Variants in GSG1L observed in about 807,000 individuals in gnomAD.
GSG1L encodes germ cell-specific gene 1-like protein.
GSG1L carries 24 observed loss-of-function variants against 42.1 expected under a neutral mutation model. The ratio of observed to expected loss-of-function variants is 0.57; its 90% CI spans 0.41 to 0.80. The LOEUF is 0.80. GSG1L is among the 30% of genes least tolerant of loss of function. GSG1L has a pLI of 0.00. For synonymous variants in GSG1L, 215 were observed against 203.5 expected (o/e 1.06, Z -0.48); for missense variants, 445 against 472.2 (o/e 0.94, Z 0.53).
At chr16:27,897,527 T>C (rs1423099929) in intron 2 of GSG1L, among the ~76,000 whole-genome samples, 1 of 152,206 alleles carries the variant, frequency 6.6e-6, no homozygotes. Flanking sequence ...CTCAAATTCC[T>C]GGCCTCAAGT....
Position 27,846,682 on chromosome 16 carries a change from C to T in GSG1L, c.551-1621G>A, listed in dbSNP as rs150270252. Among the ~76,000 whole-genome samples the T allele has an allele frequency of 4.0e-3, 605 of 152,224 alleles. 11 individuals carry two copies. The highest frequency in any genetic ancestry group is 1.6e-3 in the Non-Finnish European group (107 of 68,028). On this transcript the variant is annotated intron_variant, in intron 3 of 6. Transcript: ENST00000447459. ...TTCAAAATCTGACCCTGGCCGGGCA[C>T]GGTGGCTCATGCCTGTAATCCCAGC...
At chr16:28,022,887 G>A (rs1288739138) in intron 1 of GSG1L, among the ~76,000 whole-genome samples, 1 of 151,944 alleles carries the variant, frequency 6.6e-6, no homozygotes, top group Non-Finnish European at 1.5e-5. Context: ...GGCCAGGCTG[G>A]TCTTGAACTC....
chr16:27,817,966 C>G (rs191568364), intron 5 of GSG1L, among the ~76,000 whole-genome samples: 1 of 152,168 alleles, frequency 6.6e-6, no homozygotes, highest in Non-Finnish European at 1.5e-5. Flanking sequence ...CCCAGTACTT[C>G]GCAAATTTAA....
chr16:27,927,188 C>T (rs2084603715), intron 2 of GSG1L, among the ~76,000 whole-genome samples: 1 of 152,038 alleles, frequency 6.6e-6, no homozygotes, highest in South Asian at 2.1e-4. Context: ...CTCACTTTTT[C>T]ACCCAGGCTG....
chr16:27,959,740 C>A (rs776816980), intron 2 of GSG1L, among the ~76,000 whole-genome samples: 19 of 151,984 alleles, frequency 1.3e-4, no homozygotes, highest in Non-Finnish European at 2.6e-4. Context: ...TACGATCGCA[C>A]CACTGCACTA....
chr16:28,014,200 T>G (rs2085755074), intron 1 of GSG1L, among the ~76,000 whole-genome samples: 1 of 152,206 alleles, frequency 6.6e-6, no homozygotes, highest in Non-Finnish European at 1.5e-5. Context: ...AAGGAAGACT[T>G]CCTGGAGGAA....
At chr16:27,882,368 A>C (rs182631782) in intron 3 of GSG1L, among the ~76,000 whole-genome samples, 205 of 152,156 alleles carry the variant, frequency 1.3e-3, no homozygotes, top group Admixed American at 4.4e-3. Flanking sequence ...GGACTGATAC[A>C]ATCCCCAAAT....
At chr16:27,856,164 C>A (rs1016257142) in intron 3 of GSG1L, among the ~76,000 whole-genome samples, 6 of 152,102 alleles carry the variant, frequency 3.9e-5, no homozygotes, top group African/African-American at 7.2e-5. Flanking sequence ...TGCACCCCCC[C>A]CCATCCCCAC....
At chr16:28,060,153 G>C (rs1043404443) in intron 1 of GSG1L, among the ~76,000 whole-genome samples, 5 of 151,874 alleles carry the variant, frequency 3.3e-5, no homozygotes, top group African/African-American at 1.2e-4. Context: ...GGGAAGTTTA[G>C]CCTTGATGTA....
chr16:27,957,120 G>A lies in GSG1L; in HGVS notation c.397+6036C>T, dbSNP rs576166962. Among the ~76,000 whole-genome samples the A allele has an allele frequency of 5.3e-5, 8 of 152,290 alleles. No individual in the cohort carries two copies. In the East Asian group the frequency reaches 1.5e-3, roughly 29 times the overall value. ...TCCCAGCACATTGGTAGGCCAAGGCGGTTGGATCACCTGAGGTCAGGAGGT... is the reference window on the plus strand; with the variant it reads ...TCCCAGCACATTGGTAGGCCAAGGCAGTTGGATCACCTGAGGTCAGGAGGT... On this transcript the variant is annotated intron_variant, in intron 2 of 6. Coordinates refer to ENST00000447459, the MANE Select transcript of GSG1L (RefSeq NM_001109763.2).
rs192977795 is a variant in GSG1L at position 27,901,829 on chromosome 16, A to G, written c.398-17191T>C. On this transcript the variant is annotated intron_variant, in intron 2 of 6. Transcript: ENST00000447459. ...CTACCAGATTGTCAGACCACTGCCT[A>G]CCCTTTGTCATCCCCTGTCCCTCCA... Among the ~76,000 whole-genome samples the G allele has an allele frequency of 1.3e-3, 192 of 152,142 alleles. 1 individual carries two copies. The highest frequency in any genetic ancestry group is 2.2e-3 in the Non-Finnish European group (150 of 67,970).
chr16:27,850,670 T>G (rs1482009625), intron 3 of GSG1L: 1 of 444,866 alleles, frequency 2.2e-6, no homozygotes, highest in Non-Finnish European at 4.5e-6. Context: ...AGAGAAAGCT[T>G]TCAAAGCATA....
At chr16:27,868,751 G>A (rs2083763480) in intron 3 of GSG1L, among the ~76,000 whole-genome samples, 1 of 152,198 alleles carries the variant, frequency 6.6e-6, no homozygotes, top group Non-Finnish European at 1.5e-5. Context: ...CTAGGCTGGA[G>A]CTGGGGCGTT....
intron 2 of GSG1L, among the ~76,000 whole-genome samples, chr16:27,918,588 G>A (rs8059385): frequency 0.096 from 14,509 of 151,592 alleles, 844 homozygotes; most frequent in African/African-American, 0.15. Context: ...GAACCTGGGA[G>A]GCGGAGGTCA....
intron 1 of GSG1L, among the ~76,000 whole-genome samples, chr16:28,046,339 CTCTTTTT>C (rs2086157661): frequency 8.2e-6 from 1 of 122,290 alleles, no homozygotes; most frequent in Admixed American, 1.0e-4. Context: ...AGGAAGTCCA[CTCTTTTT>C]TTTTTTTTTT....
intron 1 of GSG1L, among the ~76,000 whole-genome samples, chr16:27,988,751 A>G (rs2085416824): frequency 1.2e-5 from 1 of 86,622 alleles, no homozygotes; most frequent in Non-Finnish European, 2.0e-5. Flanking sequence ...AACTGCAATT[A>G]AGAAAAAAAA....
intron 4 of GSG1L, among the ~76,000 whole-genome samples, chr16:27,842,871 C>T (rs953367409): frequency 6.6e-6 from 1 of 152,044 alleles, no homozygotes; most frequent in African/African-American, 2.4e-5. Context: ...CTGCTGTTCC[C>T]TCTGCCTAGC....
chr16:27,902,428 G>T (rs553091469), intron 2 of GSG1L, among the ~76,000 whole-genome samples: 1 of 152,194 alleles, frequency 6.6e-6, no homozygotes, highest in Non-Finnish European at 1.5e-5. Flanking sequence ...AGCTGATTCC[G>T]CAGAGAGGCC....
At chr16:27,990,991 GGTCAATCGCTA>G (rs1423880262) in intron 1 of GSG1L, among the ~76,000 whole-genome samples, 3 of 152,168 alleles carry the variant, frequency 2.0e-5, no homozygotes, top group African/African-American at 7.2e-5. Context: ...GAGTCTATGT[GGTCAATCGCTA>G]GTCTTGCTCC....
Sources: allele counts gnomAD v4.1 joint callset (sites outside exome capture counted in the v4.1 genomes callset), GRCh38; gene constraint gnomAD v4.1.1; transcripts MANE v1.5; gene names NCBI Gene and HGNC (gene_info 2026-07-23, HGNC 2026-07-21).